NTRK1: variants seen among roughly 807,000 people sequenced by gnomAD.
NTRK1 encodes the protein high affinity nerve growth factor receptor.
NTRK1 carries 62 observed loss-of-function variants against 86.8 expected under a neutral mutation model. The observed-to-expected ratio is 0.71, with a 90% CI of 0.58 to 0.88. The LOEUF (loss-of-function observed/expected upper bound fraction) is 0.88, where lower values mean the gene tolerates loss of function less well. NTRK1 is among the 40% of genes least tolerant of loss of function. The pLI is 0.00. For missense variants in NTRK1, 967 were observed against 1,078.4 expected (o/e 0.90, Z 1.45); for synonymous variants, 469 against 456.6 (o/e 1.03, Z -0.35).
At chr1:156,823,745 G>T (rs114629984) in intron 1 of NTRK1, among the ~76,000 whole-genome samples, 4 of 152,282 alleles carry the variant, frequency 2.6e-5, no homozygotes, top group Non-Finnish European at 5.9e-5. Flanking sequence ...TCAGTGAGAA[G>T]GTGTCCATGA....
chr1:156,838,257 C>T (rs181185856), intron 1 of NTRK1, among the ~76,000 whole-genome samples: 4 of 152,216 alleles, frequency 2.6e-5, no homozygotes, highest in African/African-American at 9.6e-5. Context: ...ATCCATAGTC[C>T]CCAGCACCCA....
intron 2 of NTRK1, among the ~76,000 whole-genome samples, chr1:156,848,136 C>A (rs1023322030): frequency 6.6e-6 from 1 of 152,164 alleles, no homozygotes; most frequent in African/African-American, 2.4e-5. Context: ...CTTCACCTAC[C>A]ACTGAGACCT....
chr1:156,816,822 T>C (rs1021258673), intron 1 of NTRK1: 2 of 999,776 alleles, frequency 2.0e-6, no homozygotes, highest in Non-Finnish European at 2.8e-6. Flanking sequence ...GGGCAGGAAA[T>C]GTCGCCTTAC....
At chr1:156,867,639 TTTTCTTTTCTTTC>T (rs1469075335) in intron 4 of NTRK1, among the ~76,000 whole-genome samples, 8 of 149,006 alleles carry the variant, frequency 5.4e-5, no homozygotes, top group African/African-American at 7.5e-5. Context: ...GGCTTATTTC[TTTTCTTTTCTTTC>T]TTTCTTTTCT....
At chr1:156,855,192 CTATCTATCT>C (rs1171997284) in intron 2 of NTRK1, among the ~76,000 whole-genome samples, 1,843 of 151,634 alleles carry the variant, frequency 0.012, 41 homozygotes, top group African/African-American at 0.043. Context: ...ATCTATCTAT[CTATCTATCT>C]ATCTATCTAT....
intron 1 of NTRK1, 71 bp downstream of exon 1, chr1:156,861,217 C>T: frequency 2.0e-6 from 3 of 1,495,650 alleles, no homozygotes; most frequent in Non-Finnish European, 1.8e-6. Context: ...GGCGCGGACT[C>T]GCTGCTTGTT....
intron 2 of NTRK1, chr1:156,842,456 T>C (rs547959873): frequency 3.6e-5 from 58 of 1,614,028 alleles, no homozygotes; most frequent in South Asian, 1.2e-4. Context: ...GGTCATTAAC[T>C]CCATGATGAC....
upstream of NTRK1, chr1:156,858,910 A>G: frequency 2.3e-6 from 1 of 439,788 alleles, no homozygotes; most frequent in South Asian, 3.0e-5. Context: ...TCGGGCCTCC[A>G]GAGGGAGAAA....
chr1:156,864,612 G>A (rs1163275361), intron 2 of NTRK1, 116 bp from the exon 3 acceptor site: 2 of 1,214,300 alleles, frequency 1.6e-6, no homozygotes, highest in African/African-American at 3.0e-5. Context: ...ACAATGAGGG[G>A]CCTGAGGAGG....
At chr1:156,857,687 G>A (rs1309427986), upstream of NTRK1, among the ~76,000 whole-genome samples, 1 of 152,186 alleles carries the variant, frequency 6.6e-6, no homozygotes, top group Non-Finnish European at 1.5e-5. Flanking sequence ...TCCATGGGAA[G>A]AGGAGACTCC....
intron 6 of NTRK1, 70 bp downstream of exon 6, chr1:156,868,717 G>C: frequency 6.5e-7 from 1 of 1,534,082 alleles, no homozygotes; most frequent in South Asian, 1.2e-5. Flanking sequence ...TGGGGAAAGA[G>C]AGACACACTG....
At chr1:156,845,721 T>C in intron 2 of NTRK1, 1 of 1,613,586 alleles carries the variant, frequency 6.2e-7, no homozygotes. Context: ...AGGTGGGTGC[T>C]GGCAAGGGCA....
chr1:156,874,898 C>A lies in NTRK1; in HGVS notation c.1252-8C>A, dbSNP rs372743293. The A allele has an allele frequency of 6.3e-7, 1 of 1,599,412 alleles. No individual in the cohort carries two copies. Among genetic ancestry groups the A allele is most frequent in the Non-Finnish European group, 8.6e-7 (1 of 1,166,972 alleles). On this transcript the variant is annotated splice_polypyrimidine_tract_variant and splice_region_variant and intron_variant, in intron 10 of 16. Coordinates refer to ENST00000524377, the MANE Select transcript of NTRK1 (RefSeq NM_002529.4). The stretch of plus-strand genomic sequence containing the variant: ...CCCCTGGATCTAACTACCCCTGTCC[C>A]CCACCAGGTCTCGGTGGCTGTGGGC...
At position 156,866,989 on chromosome 1, in the gene NTRK1, G is replaced by A. The variant is rs1025335114; in HGVS notation, c.428+11G>A. ...CTCCTTACAGGAACTGTGAGTGGGG[G>A]CGCTTCCAGGGGCAAGAGCACCAAG... On this transcript the variant is annotated intron_variant, in intron 4 of 16. Transcript: ENST00000524377. The A allele has an allele frequency of 4.3e-6, 7 of 1,614,012 alleles. No individual in the cohort carries two copies. The highest frequency in any genetic ancestry group is 1.7e-5 in the Admixed American group (1 of 60,010).
rs569169715 is a variant in NTRK1 at position 156,845,762 on chromosome 1, C to T, written c.50+3569C>T. On this transcript the variant is annotated intron_variant, in intron 2 of 16. Transcript: ENST00000392302. The stretch of plus-strand genomic sequence containing the variant: ...CGGACTCCATCTCGGCCTCAGGATC[C>T]CCGTCTTCGCCGTCGAAGCGCGGAT... 1.9e-6 allele frequency: 3 copies of T among 1,613,390 alleles called. No individual in the cohort carries two copies. The African/African-American group carries it at 4.0e-5, about 22-fold the overall frequency.
intron 15 of NTRK1, 59 bp from the exon 16 acceptor site, chr1:156,879,940 G>T: frequency 6.2e-7 from 1 of 1,600,932 alleles, no homozygotes; most frequent in South Asian, 1.1e-5. Context: ...GGGGTAGGCT[G>T]TGCCTTGACG....
intron 1 of NTRK1, 135 bp downstream of exon 1, chr1:156,861,281 C>G: frequency 9.9e-7 from 1 of 1,012,130 alleles, no homozygotes; most frequent in Non-Finnish European, 1.4e-6. Flanking sequence ...CAGCCTTCGG[C>G]GCTGCCCGGG....
At chr1:156,843,500 G>T (rs1209533420) in intron 2 of NTRK1, 2 of 1,613,630 alleles carry the variant, frequency 1.2e-6, no homozygotes, top group African/African-American at 2.7e-5. Flanking sequence ...AGGTGAGGGG[G>T]TCAGGCTGGA....
chr1:156,846,678 G>T, intron 2 of NTRK1: 1 of 1,614,196 alleles, frequency 6.2e-7, no homozygotes, highest in Non-Finnish European at 8.5e-7. Context: ...CGGCTTAGGG[G>T]CAGCTCCACA....
Sources: allele counts gnomAD v4.1 joint callset (sites outside exome capture counted in the v4.1 genomes callset), GRCh38; gene constraint gnomAD v4.1.1; transcripts MANE v1.5; gene names NCBI Gene and HGNC (gene_info 2026-07-23, HGNC 2026-07-21).